Variants in EIF4E3 observed in about 807,000 individuals in gnomAD.
EIF4E3 encodes eukaryotic translation initiation factor 4E family member 3.
Under a neutral mutation model 31.7 loss-of-function variants are expected in EIF4E3, and 26 were observed. The observed-to-expected ratio is 0.82, with a 90% CI of 0.60 to 1.14. EIF4E3 has a LOEUF of 1.14. Among genes scored for constraint, EIF4E3 ranks in the 50% most tolerant of loss-of-function variants. The pLI is 0.00. For missense variants in EIF4E3, 304 were observed against 270.9 expected (o/e 1.12, Z -0.86); for synonymous variants, 128 against 107.7 (o/e 1.19, Z -1.17).
intron 1 of EIF4E3, among the ~76,000 whole-genome samples, chr3:71,718,262 C>T (rs7648953): frequency 0.38 from 58,185 of 152,076 alleles, 12,039 homozygotes; most frequent in African/African-American, 0.54. Flanking sequence ...GTTAGATAGA[C>T]CTGTGGCTTG....
the EIF4E3 span, among the ~76,000 whole-genome samples, chr3:71,662,641 G>A: frequency 1.3e-5 from 2 of 152,172 alleles, no homozygotes; most frequent in African/African-American, 2.4e-5. Flanking sequence ...TTAATTTCCG[G>A]TGGTGCCAGC....
intron 5 of EIF4E3, among the ~76,000 whole-genome samples, chr3:71,693,511 T>A (rs2049091565): frequency 6.6e-6 from 1 of 152,178 alleles, no homozygotes; most frequent in African/African-American, 2.4e-5. Flanking sequence ...CTGGAACAGA[T>A]AATGGAACCT....
At chr3:71,688,995 A>AT (rs1488635761) in intron 6 of EIF4E3, among the ~76,000 whole-genome samples, 1 of 152,154 alleles carries the variant, frequency 6.6e-6, no homozygotes, top group African/African-American at 2.4e-5. Flanking sequence ...ACAAAATTTG[A>AT]TTTTTTTATC....
intron 1 of EIF4E3, among the ~76,000 whole-genome samples, chr3:71,743,271 TAA>T (rs1484105962): frequency 1.3e-5 from 2 of 152,124 alleles, no homozygotes; most frequent in Non-Finnish European, 2.9e-5. Flanking sequence ...AAAACTGAAA[TAA>T]GTGAGTTTAG....
chr3:71,659,821 G>C, the EIF4E3 span, among the ~76,000 whole-genome samples: 1 of 152,148 alleles, frequency 6.6e-6, no homozygotes, highest in African/African-American at 2.4e-5. Flanking sequence ...GGGCAGGAGG[G>C]TGCTTTCATG....
chr3:71,701,484 T>G (rs984739599), intron 2 of EIF4E3, among the ~76,000 whole-genome samples: 1 of 152,208 alleles, frequency 6.6e-6, no homozygotes, highest in East Asian at 1.9e-4. Flanking sequence ...GAGTAGGTCA[T>G]AGAATTACTA....
At chr3:71,693,762 A>G in intron 5 of EIF4E3, 113 bp downstream of exon 5, 1 of 1,049,816 alleles carries the variant, frequency 9.5e-7, no homozygotes, top group Non-Finnish European at 1.3e-6. Context: ...TTCCAAAATA[A>G]ACAACTTCAA....
At position 71,696,456 on chromosome 3, in the gene EIF4E3, C is replaced by G; in HGVS notation, c.405+4G>C. Reference sequence around the variant, plus strand: ...GTTCTAGAAGAGGATCAGTAGGAACCTACCGTGCTGTCCTTGGGGACTTTC... The same window carrying G: ...GTTCTAGAAGAGGATCAGTAGGAACGTACCGTGCTGTCCTTGGGGACTTTC... On this transcript the variant is annotated splice_donor_region_variant and intron_variant, in intron 4 of 6. Transcript: ENST00000425534. 4 of 1,614,122 alleles carry G rather than the reference C, an allele frequency of 2.5e-6. No homozygotes were observed. Among genetic ancestry groups the G allele is most frequent in the Non-Finnish European group, 3.4e-6 (4 of 1,180,000 alleles).
chr3:71,696,954 G>A (rs113444227), intron 3 of EIF4E3, among the ~76,000 whole-genome samples: 27,432 of 151,508 alleles, frequency 0.18, 3,040 homozygotes, highest in Middle Eastern at 0.3. Flanking sequence ...TCCCCACCTC[G>A]TGATCCACCG....
chr3:71,737,704 T>C (rs1048169134), intron 1 of EIF4E3, among the ~76,000 whole-genome samples: 1 of 152,030 alleles, frequency 6.6e-6, no homozygotes, highest in Admixed American at 6.6e-5. Context: ...GGCAGGGGGA[T>C]TGCTTGAGGC....
At chr3:71,703,683 T>C (rs1447903) in intron 2 of EIF4E3, among the ~76,000 whole-genome samples, 7 of 152,046 alleles carry the variant, frequency 4.6e-5, no homozygotes, top group African/African-American at 1.7e-4. Flanking sequence ...CCTACTGAAA[T>C]GTTCTGAAGA....
chr3:71,751,937 G>GT (rs2049933016), intron 1 of EIF4E3, among the ~76,000 whole-genome samples: 1 of 152,076 alleles, frequency 6.6e-6, no homozygotes, highest in Admixed American at 6.5e-5. Flanking sequence ...TCATGTACAC[G>GT]TTTTTTGCTA....
intron 1 of EIF4E3, among the ~76,000 whole-genome samples, chr3:71,750,661 T>A (rs2049917456): frequency 6.6e-6 from 1 of 152,036 alleles, no homozygotes; most frequent in African/African-American, 2.4e-5. Context: ...GGCTCACGCC[T>A]GTAATCCCAG....
At chr3:71,660,120 C>A in the EIF4E3 span, among the ~76,000 whole-genome samples, 1 of 152,144 alleles carries the variant, frequency 6.6e-6, no homozygotes, top group Non-Finnish European at 1.5e-5. Flanking sequence ...GGGGCCCAGC[C>A]TCTGCTCACA....
At chr3:71,720,538 C>T (rs1019027472) in intron 1 of EIF4E3, among the ~76,000 whole-genome samples, 2 of 152,182 alleles carry the variant, frequency 1.3e-5, no homozygotes, top group African/African-American at 4.8e-5. Flanking sequence ...ACCACCACCT[C>T]TCAAAGCTGC....
chr3:71,748,343 G>A (rs1212665238), intron 1 of EIF4E3, among the ~76,000 whole-genome samples: 1 of 152,178 alleles, frequency 6.6e-6, no homozygotes, highest in East Asian at 1.9e-4. Context: ...ATGGATTTGG[G>A]TGCACGCGGA....
At chr3:71,663,692 C>T in the EIF4E3 span, among the ~76,000 whole-genome samples, 9 of 152,366 alleles carry the variant, frequency 5.9e-5, no homozygotes, top group South Asian at 1.9e-3. Context: ...CCCAACCAGG[C>T]CTTTACCGGG....
rs560228233 is a variant in EIF4E3 at position 71,679,219 on chromosome 3, C to T, written c.*5463G>A. The T allele has an allele frequency of 6.6e-6, 1 of 152,214 alleles. No individual in the cohort carries two copies. The highest frequency in any genetic ancestry group is 1.9e-4 in the East Asian group (1 of 5,180). The allele number at this position is 152,214 out of a possible 1,614,324, so 9.4% of individuals were successfully genotyped here. A position where few individuals can be genotyped will look rare whatever the true frequency, so the allele number is the denominator to read the frequency against. On this transcript the variant is annotated 3_prime_UTR_variant, in exon 7 of 7. Coordinates refer to ENST00000425534, the MANE Select transcript of EIF4E3 (RefSeq NM_001134651.2). ...CACCCTAAGCCTTCATTAAAAGTTG[C>T]TTATTTGTATGTGAAAAGATGAGAG...
chr3:71,708,848 C>T (rs1032787823), intron 2 of EIF4E3, among the ~76,000 whole-genome samples: 1 of 152,174 alleles, frequency 6.6e-6, no homozygotes, highest in African/African-American at 2.4e-5. Flanking sequence ...TTTCTCTGGA[C>T]AGTGGTGCTG....
Sources: gnomAD v4.1 joint callset for allele counts (sites outside exome capture counted in the v4.1 genomes callset) on GRCh38, gnomAD v4.1.1 for gene constraint, MANE v1.5 for transcripts, NCBI Gene and HGNC (gene_info 2026-07-23, HGNC 2026-07-21) for gene names.